PIWIL3: variants seen among roughly 807,000 people sequenced by gnomAD.
PIWIL3 encodes the protein piwi like RNA-mediated gene silencing 3.
In PIWIL3, 101 loss-of-function variants were observed where a neutral mutation model predicts 109.7. The observed-to-expected ratio is 0.92, with a 90% CI of 0.78 to 1.09. The LOEUF (loss-of-function observed/expected upper bound fraction) is 1.09. PIWIL3 is among the 50% of genes least tolerant of loss of function. PIWIL3 has a pLI of 0.00. For synonymous variants in PIWIL3, 373 were observed against 376.4 expected (o/e 0.99, Z 0.10); for missense variants, 1,031 against 1,072.6 (o/e 0.96, Z 0.54).
At chr22:24,766,962 TAA>T (rs11305328) in intron 1 of PIWIL3, among the ~76,000 whole-genome samples, 61 of 143,312 alleles carry the variant, frequency 4.3e-4, no homozygotes, top group Admixed American at 4.2e-4. Context: ...ACACCGTCTC[TAA>T]AAAAAAAAAA....
chr22:24,745,718 A>G (rs1488088013), intron 12 of PIWIL3, among the ~76,000 whole-genome samples: 17 of 45,214 alleles, frequency 3.8e-4, no homozygotes, highest in East Asian at 1.2e-3. Flanking sequence ...TCAGACTAAG[A>G]AAAAAAAAAA....
At chr22:24,720,222 G>C (rs1922581942) in intron 19 of PIWIL3, among the ~76,000 whole-genome samples, 1 of 148,020 alleles carries the variant, frequency 6.8e-6, no homozygotes, top group South Asian at 2.1e-4. Context: ...ATGAAGGCCT[G>C]CTGCCTCGCT....
Position 24,757,986 on chromosome 22 carries a change from T to C in PIWIL3, c.277A>G (p.Arg93Gly). 6.2e-7 allele frequency: 1 copy of C among 1,613,866 alleles called. No homozygotes were observed. Among genetic ancestry groups the C allele is most frequent in the Non-Finnish European group, 8.5e-7 (1 of 1,179,928 alleles). Residue 93 changes from arginine to glycine, a missense_variant, in exon 4 of 21, where the codon AGA becomes GGA. Physicochemically the swap from Arg to Gly is moderately radical, Grantham distance 125 (BLOSUM62 -2). Coordinates refer to ENST00000616349, the MANE Select transcript of PIWIL3 (RefSeq NM_001255975.1). ...AGLHTAPLQERRIGGVFQDLV... is the reference protein window; with the variant it reads ...AGLHTAPLQEGRIGGVFQDLV... ...TCTTGAAAAACTCCACCAATCCTTCTCTCCTGCAAGGGCGCTGTATGCAAC... is the reference window on the plus strand; with the variant it reads ...TCTTGAAAAACTCCACCAATCCTTCCCTCCTGCAAGGGCGCTGTATGCAAC...
At chr22:24,745,185 T>C (rs1051616250) in intron 12 of PIWIL3, among the ~76,000 whole-genome samples, 1 of 152,102 alleles carries the variant, frequency 6.6e-6, no homozygotes, top group Non-Finnish European at 1.5e-5. Flanking sequence ...AATGAAACCA[T>C]GACATACCAA....
chr22:24,764,242 C>T (rs1429676118), intron 1 of PIWIL3, among the ~76,000 whole-genome samples: 6 of 152,226 alleles, frequency 3.9e-5, no homozygotes, highest in Admixed American at 2.6e-4. Context: ...CAAGAGATGC[C>T]GCGAAGTCTC....
intron 2 of PIWIL3, 56 bp downstream of exon 2, chr22:24,762,342 C>A: frequency 6.4e-7 from 1 of 1,561,188 alleles, no homozygotes. Context: ...ACTCTATGTT[C>A]TTTTCAGTAC....
At chr22:24,740,167 A>G (rs1008428171) in intron 12 of PIWIL3, among the ~76,000 whole-genome samples, 22 of 144,716 alleles carry the variant, frequency 1.5e-4, no homozygotes, top group Admixed American at 3.6e-4. Context: ...GCAGCAAGCC[A>G]AGATCGTGCC....
At chr22:24,738,588 A>G (rs1923800528) in intron 12 of PIWIL3, among the ~76,000 whole-genome samples, 1 of 152,240 alleles carries the variant, frequency 6.6e-6, no homozygotes. Flanking sequence ...TCTGCCTGGT[A>G]ATCCAGAAGT....
At chr22:24,771,128 G>A (rs886823272) in intron 1 of PIWIL3, among the ~76,000 whole-genome samples, 7 of 151,976 alleles carry the variant, frequency 4.6e-5, no homozygotes, top group Non-Finnish European at 1.5e-5. Context: ...GTCTCTTGGA[G>A]GCATGAGCCT....
intron 14 of PIWIL3, among the ~76,000 whole-genome samples, chr22:24,731,854 G>A (rs916684795): frequency 1.3e-5 from 2 of 152,146 alleles, no homozygotes; most frequent in African/African-American, 4.8e-5. Flanking sequence ...TTATTGGACA[G>A]TGAGAAACAG....
intron 6 of PIWIL3, 68 bp downstream of exon 6, chr22:24,755,716 G>T: frequency 1.3e-6 from 2 of 1,584,286 alleles, no homozygotes; most frequent in Non-Finnish European, 1.7e-6. Flanking sequence ...GCAAATGGCT[G>T]TATTCCACAC....
At position 24,757,615 on chromosome 22, in the gene PIWIL3, TACACACAC is replaced by T. The variant is rs139481317; in HGVS notation, c.355+285_355+292del. On this transcript the variant is annotated intron_variant, in intron 4 of 20. Transcript: ENST00000616349. ...AGACCGTGTCTCTACAAAATTTACA[TACACACAC>T]ACACACACACACACATATATAAAAT... Among the ~76,000 whole-genome samples the T allele has an allele frequency of 8.0e-3, 637 of 79,542 alleles. 9 individuals carry two copies. Among genetic ancestry groups the T allele is most frequent in the Non-Finnish European group, 0.011 (410 of 38,530 alleles). The allele number at this position is 79,542 out of a possible 152,430, so 52.2% of individuals were successfully genotyped here.
intron 19 of PIWIL3, among the ~76,000 whole-genome samples, chr22:24,720,257 C>CTTTTTT (rs1922584555): frequency 1.3e-5 from 1 of 79,620 alleles, no homozygotes; most frequent in African/African-American, 6.6e-5. Context: ...TATATTTAAA[C>CTTTTTT]TGTTTTTTTT....
At chr22:24,769,802 T>C (rs533294733) in intron 1 of PIWIL3, 1 of 132,350 alleles carries the variant, frequency 7.6e-6, no homozygotes, top group East Asian at 2.0e-4. Flanking sequence ...GTCTCAAAAA[T>C]AATAATAATA....
chr22:24,754,086 G>A lies in PIWIL3; in HGVS notation c.905C>T (p.Ser302Phe). ...ETAYDFIKRT[S>F]AQAQTGNIRE... ...GATGTTTCCTGTCTGGGCCTGGGCAGATGTTCTCTTTATGAAATCATAAGC... is the reference window on the plus strand; with the variant it reads ...GATGTTTCCTGTCTGGGCCTGGGCAAATGTTCTCTTTATGAAATCATAAGC... Residue 302 changes from serine (S) to phenylalanine (F), a missense_variant, in exon 8 of 21, where the codon TCT (serine) becomes TTT (phenylalanine). By Grantham distance (155) the Ser-to-Phe change is radical. Transcript: ENST00000616349. 1.2e-6 allele frequency: 2 copies of A among 1,613,126 alleles called. No homozygotes were observed. The highest frequency in any genetic ancestry group is 2.2e-5 in the East Asian group (1 of 44,888).
At chr22:24,766,957 G>A (rs12167243) in intron 1 of PIWIL3, among the ~76,000 whole-genome samples, 30,906 of 127,826 alleles carry the variant, frequency 0.24, 3,429 homozygotes, top group Admixed American at 0.36. Context: ...TCAAGACACC[G>A]TCTCTAAAAA....
At chr22:24,738,875 C>G (rs1221333915) in intron 12 of PIWIL3, among the ~76,000 whole-genome samples, 4 of 152,020 alleles carry the variant, frequency 2.6e-5, no homozygotes, top group African/African-American at 7.2e-5. Flanking sequence ...GAAAATGAAC[C>G]AAATAAGGCA....
At chr22:24,753,598 T>C (rs1347667824) in intron 8 of PIWIL3, among the ~76,000 whole-genome samples, 1 of 152,214 alleles carries the variant, frequency 6.6e-6, no homozygotes, top group Admixed American at 6.5e-5. Context: ...GTTGGCTAAG[T>C]AACTGGTTCT....
intron 12 of PIWIL3, among the ~76,000 whole-genome samples, chr22:24,744,338 C>T (rs570067135): frequency 6.6e-6 from 1 of 151,894 alleles, no homozygotes; most frequent in South Asian, 2.1e-4. Flanking sequence ...TTTGGGAAGC[C>T]GAGGCAGGTG....
Sources: allele counts gnomAD v4.1 joint callset (sites outside exome capture counted in the v4.1 genomes callset), GRCh38; gene constraint gnomAD v4.1.1; transcripts MANE v1.5; gene names NCBI Gene and HGNC (gene_info 2026-07-23, HGNC 2026-07-21).